Variants in PTPRT observed in about 807,000 individuals in gnomAD.
The protein encoded by PTPRT is receptor-type tyrosine-protein phosphatase T.
Under a neutral mutation model 176.8 loss-of-function variants are expected in PTPRT, and 56 were observed. The observed-to-expected ratio is 0.32, with a 90% CI of 0.26 to 0.40. PTPRT has a LOEUF of 0.40. Among genes scored for constraint, PTPRT ranks in the 10% least tolerant of loss-of-function variants. PTPRT has a pLI of 1.00. For missense variants in PTPRT, 1,540 were observed against 1,908.2 expected (o/e 0.81, Z 3.60); for synonymous variants, 783 against 739.0 (o/e 1.06, Z -0.96).
chr20:42,554,108 GAA>G (rs2072818112), intron 7 of PTPRT, among the ~76,000 whole-genome samples: 5 of 152,170 alleles, frequency 3.3e-5, no homozygotes, highest in African/African-American at 1.2e-4. Context: ...GTTCTTGGGA[GAA>G]GAGAAAAGAG....
chr20:42,225,884 C>T (rs2055997961), intron 15 of PTPRT, among the ~76,000 whole-genome samples: 1 of 152,144 alleles, frequency 6.6e-6, no homozygotes, highest in Admixed American at 6.5e-5. Flanking sequence ...AATTTCTGAC[C>T]TCAAGTGATC....
At chr20:42,852,092 CT>C (rs1202134100) in intron 2 of PTPRT, among the ~76,000 whole-genome samples, 1 of 152,192 alleles carries the variant, frequency 6.6e-6, no homozygotes, top group Non-Finnish European at 1.5e-5. Context: ...CTCTCTGTAA[CT>C]TTTTGCTGTG....
At chr20:42,571,343 G>A (rs1237420407) in intron 7 of PTPRT, among the ~76,000 whole-genome samples, 1 of 152,168 alleles carries the variant, frequency 6.6e-6, no homozygotes. Flanking sequence ...ATTGCTCGAG[G>A]AAGAGGCCAT....
At chr20:42,877,005 T>C (rs1014682680) in intron 2 of PTPRT, among the ~76,000 whole-genome samples, 7 of 152,164 alleles carry the variant, frequency 4.6e-5, no homozygotes, top group Admixed American at 3.3e-4. Context: ...GATCAGCAAG[T>C]ACAAAGGCAC....
At chr20:42,633,875 A>AATATAAT (rs2074480182) in intron 7 of PTPRT, among the ~76,000 whole-genome samples, 1 of 84,250 alleles carries the variant, frequency 1.2e-5, no homozygotes, top group African/African-American at 5.1e-5. Flanking sequence ...TATCTATAAT[A>AATATAAT]TATTATAATA....
At chr20:42,333,085 A>G (rs1417289932) in intron 11 of PTPRT, among the ~76,000 whole-genome samples, 6 of 152,192 alleles carry the variant, frequency 3.9e-5, no homozygotes, top group Non-Finnish European at 8.8e-5. Context: ...AATACCCACA[A>G]TGATCTTAAA....
rs185768147 is a variant in PTPRT, at chr20:42,261,453, T to G, written c.2177-12631A>C. Among the ~76,000 whole-genome samples, 433 of 149,318 alleles carry G rather than the reference T, an allele frequency of 2.9e-3. 5 individuals are homozygous for G. Among genetic ancestry groups the G allele is most frequent in the Non-Finnish European group, 5.1e-3 (346 of 68,006 alleles). ...GTACTGGGGTTATTACTTCAACATATCCTTTTGGGGAACACAATTCAACTT... is the reference window on the plus strand; with the variant it reads ...GTACTGGGGTTATTACTTCAACATAGCCTTTTGGGGAACACAATTCAACTT... On this transcript the variant is annotated intron_variant, in intron 13 of 30. Coordinates refer to ENST00000373187, the MANE Select transcript of PTPRT (RefSeq NM_007050.6).
At chr20:42,056,233 C>T in the PTPRT span, among the ~76,000 whole-genome samples, 1 of 152,214 alleles carries the variant, frequency 6.6e-6, no homozygotes, top group Non-Finnish European at 1.5e-5. Context: ...CAAATCCACA[C>T]TCAGAGAACA....
At chr20:43,042,641 C>T (rs968916232) in intron 1 of PTPRT, among the ~76,000 whole-genome samples, 28 of 151,984 alleles carry the variant, frequency 1.8e-4, no homozygotes, top group Non-Finnish European at 2.1e-4. Flanking sequence ...CTTGGTCAAG[C>T]ACAAGAGCAG....
intron 7 of PTPRT, among the ~76,000 whole-genome samples, chr20:42,508,464 T>G (rs1037392961): frequency 3.3e-5 from 5 of 152,166 alleles, no homozygotes; most frequent in Non-Finnish European, 7.4e-5. Flanking sequence ...TAGAGCACTA[T>G]TCTTTATAAA....
At chr20:42,962,117 T>G (rs1279956892) in intron 1 of PTPRT, among the ~76,000 whole-genome samples, 1 of 152,196 alleles carries the variant, frequency 6.6e-6, no homozygotes. Context: ...TTGTGTTAAC[T>G]TGTTACAGCA....
At chr20:42,343,704 CT>C in intron 11 of PTPRT, among the ~76,000 whole-genome samples, 1 of 152,288 alleles carries the variant, frequency 6.6e-6, no homozygotes, top group East Asian at 1.9e-4. Flanking sequence ...AAGATCACCC[CT>C]GGAGATGAGT....
intron 7 of PTPRT, among the ~76,000 whole-genome samples, chr20:42,483,719 G>A (rs900579965): frequency 1.3e-5 from 2 of 152,214 alleles, no homozygotes; most frequent in African/African-American, 2.4e-5. Flanking sequence ...CATGGCCCTC[G>A]GGCCCACAGT....
intron 7 of PTPRT, among the ~76,000 whole-genome samples, chr20:42,520,397 T>C (rs938166094): frequency 2.0e-5 from 3 of 152,110 alleles, no homozygotes; most frequent in Admixed American, 6.6e-5. Context: ...GTAACCAGTA[T>C]CATGACTTTT....
intron 2 of PTPRT, among the ~76,000 whole-genome samples, chr20:42,881,516 G>C (rs2079009265): frequency 6.6e-6 from 1 of 152,086 alleles, no homozygotes; most frequent in Non-Finnish European, 1.5e-5. Flanking sequence ...ACTGAGGTCA[G>C]GAGGTCGAGA....
intron 16 of PTPRT, among the ~76,000 whole-genome samples, chr20:42,173,233 G>T (rs1256737601): frequency 1.3e-5 from 2 of 152,156 alleles, no homozygotes; most frequent in Non-Finnish European, 2.9e-5. Flanking sequence ...TTCCCTAAGA[G>T]CTGAGGCAGA....
chr20:42,996,432 G>A (rs3950170), intron 1 of PTPRT, among the ~76,000 whole-genome samples: 29,255 of 152,092 alleles, frequency 0.19, 2,911 homozygotes, highest in Middle Eastern at 0.21. Flanking sequence ...AAGGAAGGAG[G>A]AAGAGAAAGA....
chr20:42,414,308 A>T (rs1235118359), intron 9 of PTPRT, among the ~76,000 whole-genome samples: 3 of 152,268 alleles, frequency 2.0e-5, no homozygotes, highest in Non-Finnish European at 4.4e-5. Flanking sequence ...AAAGTATCTC[A>T]TATCCAAATT....
intron 16 of PTPRT, among the ~76,000 whole-genome samples, chr20:42,164,169 G>C (rs117426332): frequency 0.012 from 1,762 of 152,350 alleles, 14 homozygotes; most frequent in Middle Eastern, 0.02. Context: ...CATGGGGACA[G>C]TTGTCTTCAG....
Sources: allele counts gnomAD v4.1 joint callset (sites outside exome capture counted in the v4.1 genomes callset), GRCh38; gene constraint gnomAD v4.1.1; transcripts MANE v1.5; gene names NCBI Gene and HGNC (gene_info 2026-07-23, HGNC 2026-07-21).